Variants in SMG9 observed in about 807,000 individuals in gnomAD.
The protein encoded by SMG9 is SMG9 nonsense mediated mRNA decay factor.
SMG9 carries 55 observed loss-of-function variants against 64.0 expected under a neutral mutation model. That is an observed-to-expected ratio of 0.86 (90% confidence interval 0.69 to 1.08). The LOEUF (loss-of-function observed/expected upper bound fraction) is 1.08, where lower values mean the gene tolerates loss of function less well. Ranked by LOEUF, SMG9 falls within the 50% of genes least tolerant of loss-of-function variation. The pLI, the probability that SMG9 is intolerant of heterozygous loss-of-function variation, is 0.00. For missense variants in SMG9, 554 were observed against 681.3 expected, an observed-to-expected ratio of 0.81 and a Z score of 2.08; for synonymous variants, 244 against 254.8, an observed-to-expected ratio of 0.96 and a Z score of 0.41.
At chr19:43,753,129 A>G (rs1007741194) in intron 1 of SMG9, among the ~76,000 whole-genome samples, 1 of 152,020 alleles carries the variant, frequency 6.6e-6, no homozygotes, top group African/African-American at 2.4e-5. Flanking sequence ...CTACTGTGCT[A>G]CATGACCTCT....
chr19:43,748,902 C>G, intron 2 of SMG9: 1 of 491,342 alleles, frequency 2.0e-6, no homozygotes, highest in Non-Finnish European at 4.1e-6. Context: ...GGAAAAACTA[C>G]AGGAGGAGAG....
chr19:43,738,072 G>C (rs1337992936), intron 8 of SMG9, 50 bp downstream of exon 8: 8 of 1,532,534 alleles, frequency 5.2e-6, no homozygotes, highest in Non-Finnish European at 7.2e-6. Context: ...TTGGGAGGAT[G>C]GGGGTGGGGA....
rs1406039997 is a variant in SMG9 at position 43,734,337 on chromosome 19, G to GC, written c.1102+51dup. On this transcript the variant is annotated intron_variant, in intron 10 of 13. Coordinates refer to ENST00000270066, the MANE Select transcript of SMG9 (RefSeq NM_019108.4). ...TTCTCCAGCGTGCTCCTGACTTTCA[G>GC]CCCCTCATTTTTCCTCCTGCCCACC... The GC allele has an allele frequency of 2.1e-6, 3 of 1,415,968 alleles. No homozygotes were observed. The Admixed American group carries it at 5.9e-5, about 28-fold the overall frequency. The allele number at this position is 1,415,968 out of a possible 1,614,324, so 87.7% of individuals were successfully genotyped here. A position where few individuals can be genotyped will look rare whatever the true frequency, so the allele number is the denominator to read the frequency against.
Position 43,747,689 on chromosome 19 carries a change from G to A in SMG9, c.434C>T (p.Pro145Leu), listed in dbSNP as rs1221839846. 1.2e-6 allele frequency: 2 copies of A among 1,611,334 alleles called. No homozygotes were observed. Among genetic ancestry groups the A allele is most frequent in the Admixed American group, 3.4e-5 (2 of 59,650 alleles). ...GCCCCGGTTCTGGATCTGGTACACA[G>A]GCTGTGTGGGTCTCTGCCCCTCCTT... ...GEKEGQRPTQ[P>L]VYQIQNRGMG... The change falls in exon 4 of 14, where the codon CCT becomes CTT. Residue 145 changes from proline to leucine, a missense_variant. Transcript: ENST00000270066.
chr19:43,738,817 G>C (rs1968755259), intron 7 of SMG9, among the ~76,000 whole-genome samples: 1 of 152,216 alleles, frequency 6.6e-6, no homozygotes, highest in Non-Finnish European at 1.5e-5. Flanking sequence ...ATTCTGTCTT[G>C]TTTAACTTCC....
intron 6 of SMG9, 78 bp from the exon 7 acceptor site, chr19:43,740,296 G>A: frequency 1.9e-6 from 2 of 1,057,546 alleles, no homozygotes; most frequent in Admixed American, 1.7e-5. Flanking sequence ...GACCCTGTGA[G>A]CTGAGCATGT....
intron 5 of SMG9, among the ~76,000 whole-genome samples, chr19:43,747,132 A>C (rs1969038549): frequency 6.6e-6 from 1 of 152,138 alleles, no homozygotes; most frequent in African/African-American, 2.4e-5. Context: ...CCAAATAAGA[A>C]GGGTACTGGA....
rs891579065 is a variant in SMG9, at chr19:43,728,072, G to A, written c.*3524C>T. ...TGCCCAATGCAGACCTGGCACCTGT[G>A]GATGATGGTGGCATTTAACATTTAT... On this transcript the variant is annotated 3_prime_UTR_variant, in exon 14 of 14. Coordinates refer to ENST00000270066, the MANE Select transcript of SMG9 (RefSeq NM_019108.4). The A allele has an allele frequency of 2.0e-5, 3 of 152,172 alleles. No individual in the cohort carries two copies. The highest frequency in any genetic ancestry group is 7.2e-5 in the African/African-American group (3 of 41,430). The allele number at this position is 152,172 out of a possible 1,614,324, so 9.4% of individuals were successfully genotyped here.
At chr19:43,742,025 G>A (rs1245151202) in intron 6 of SMG9, among the ~76,000 whole-genome samples, 2 of 152,166 alleles carry the variant, frequency 1.3e-5, no homozygotes, top group African/African-American at 2.4e-5. Context: ...GTGCACGCCT[G>A]TAATCCCAGC....
At chr19:43,739,733 C>G (rs974501802) in intron 7 of SMG9, 6 of 219,938 alleles carry the variant, frequency 2.7e-5, no homozygotes, top group African/African-American at 1.4e-4. Flanking sequence ...CTTGAAACTC[C>G]TAAGAGGCTA....
intron 10 of SMG9, 82 bp downstream of exon 10, chr19:43,734,307 C>T (rs937167082): frequency 2.7e-6 from 3 of 1,119,532 alleles, no homozygotes; most frequent in Non-Finnish European, 3.9e-6. Flanking sequence ...CCTCTCTCTC[C>T]CCTCTTCTCC....
intron 9 of SMG9, 192 bp from the exon 10 acceptor site, chr19:43,734,687 C>T (rs745700173): frequency 6.4e-6 from 3 of 471,654 alleles, no homozygotes; most frequent in African/African-American, 3.9e-5. Flanking sequence ...CATGGACTTA[C>T]CAACTGTATA....
At chr19:43,753,068 G>C (rs10403509) in intron 1 of SMG9, among the ~76,000 whole-genome samples, 1 of 151,760 alleles carries the variant, frequency 6.6e-6, no homozygotes, top group African/African-American at 2.4e-5. Flanking sequence ...CTGTTTACAA[G>C]ATGCAGTCAT....
At chr19:43,746,060 C>A (rs940828531) in intron 5 of SMG9, among the ~76,000 whole-genome samples, 13 of 151,990 alleles carry the variant, frequency 8.6e-5, no homozygotes, top group Admixed American at 7.9e-4. Context: ...GTGGTCCCAG[C>A]TACCTGGGAA....
In SMG9 at chr19:43,728,485, A is replaced by G. The variant is rs986581258; in HGVS notation, c.*3111T>C. On this transcript the variant is annotated 3_prime_UTR_variant, in exon 14 of 14. Coordinates refer to ENST00000270066, the MANE Select transcript of SMG9 (RefSeq NM_019108.4). ...AGCCAATTAAACCCCTTTTCTTTAT[A>G]AATTACCCAGTCTCAGGTATTTCCT... is the stretch of plus-strand genomic sequence containing the variant. The G allele has an allele frequency of 6.6e-6, 1 of 152,262 alleles. No individual in the cohort carries two copies. The highest frequency in any genetic ancestry group is 1.9e-4 in the East Asian group (1 of 5,206). 9.4% of individuals were successfully genotyped at this position (152,262 alleles called of 1,614,324 possible).
At chr19:43,733,270 T>C (rs1968543870) in intron 12 of SMG9, 54 bp downstream of exon 12, 2 of 1,592,836 alleles carry the variant, frequency 1.3e-6, no homozygotes, top group Non-Finnish European at 1.7e-6. Context: ...GCTGGGTCTC[T>C]CTCTGATCAG....
At position 43,748,021 on chromosome 19, in the gene SMG9, A is replaced by C. The variant is rs771533658; in HGVS notation, c.182T>G (p.Met61Arg). 3 of 1,613,218 alleles carry C rather than the reference A, an allele frequency of 1.9e-6. No homozygotes were observed. The highest frequency in any genetic ancestry group is 2.5e-6 in the Non-Finnish European group (3 of 1,179,590). ...TGAGAGGATGATGGGGGTTTTCTGC[A>C]TGACGGAAGTGCTTGTCTCTTCGCT... ...DASEETSTSV[M>R]QKTPIILSKP... The change falls in exon 3 of 14, where the codon ATG becomes AGG. Residue 61 changes from methionine (M) to arginine (R), a missense_variant. By Grantham distance (91) the Met-to-Arg change is moderately conservative (BLOSUM62 -1). Transcript: ENST00000270066.
At chr19:43,745,657 A>C (rs1968976075) in intron 5 of SMG9, among the ~76,000 whole-genome samples, 1 of 152,182 alleles carries the variant, frequency 6.6e-6, no homozygotes, top group African/African-American at 2.4e-5. Flanking sequence ...GCTTGAGGCC[A>C]GGAGTTCAAG....
Position 43,750,665 on chromosome 19 carries a change from C to T in SMG9, c.77G>A (p.Gly26Asp). ...RRRRWKEPGS[G>D]GPQNLSGPGG... ...AGGCCCAGAGAGATTCTGGGGGCCACCAGAGCCAGGCTCCTTCCACCGTCG... is the reference window on the plus strand; with the variant it reads ...AGGCCCAGAGAGATTCTGGGGGCCATCAGAGCCAGGCTCCTTCCACCGTCG... The change falls in exon 2 of 14, where the codon GGT becomes GAT. Residue 26 changes from glycine to aspartate, a missense_variant. Physicochemically the swap from Gly to Asp is moderately conservative, Grantham distance 94. Transcript: ENST00000270066. 6.2e-7 allele frequency: 1 copy of T among 1,614,056 alleles called. No homozygotes were observed. The highest frequency in any genetic ancestry group is 8.5e-7 in the Non-Finnish European group (1 of 1,180,016).
Sources: allele counts gnomAD v4.1 joint callset (sites outside exome capture counted in the v4.1 genomes callset), GRCh38; gene constraint gnomAD v4.1.1; transcripts MANE v1.5; gene names NCBI Gene and HGNC (gene_info 2026-07-23, HGNC 2026-07-21).